The following POT1 variants were observed in gnomAD, a reference collection of about 807,000 sequenced individuals.
POT1 encodes the protein protection of telomeres 1, also known as protection of telomeres protein 1.
A neutral mutation model predicts 78.5 loss-of-function variants in POT1; 47 were observed. The observed-to-expected ratio is 0.60, with a 90% confidence interval of 0.47 to 0.76. POT1 has a LOEUF of 0.76. Among genes scored for constraint, POT1 ranks in the 30% least tolerant of loss-of-function variants. The probability of loss-of-function intolerance (pLI) is 0.00; values close to 1 mark genes in which losing one functional copy is unlikely to be tolerated. For missense variants in POT1, 646 were observed against 749.9 expected, an observed-to-expected ratio of 0.86 and a Z score of 1.62; for synonymous variants, 259 against 260.7, an observed-to-expected ratio of 0.99 and a Z score of 0.06.
chr7:124,897,448 T>C (rs1203749707), intron 4 of POT1, among the ~76,000 whole-genome samples: 2 of 151,906 alleles, frequency 1.3e-5, no homozygotes, highest in Non-Finnish European at 2.9e-5. Flanking sequence ...ATTAAAATAT[T>C]AGTGTTCTTA....
chr7:124,854,643 A>G (rs1795399100), intron 9 of POT1, among the ~76,000 whole-genome samples: 1 of 151,956 alleles, frequency 6.6e-6, no homozygotes, highest in Admixed American at 6.6e-5. Context: ...TAAGGAGCAG[A>G]CAAAATACAA....
At chr7:124,928,374 A>C (rs1222725919) in intron 2 of POT1, among the ~76,000 whole-genome samples, 1 of 152,226 alleles carries the variant, frequency 6.6e-6, no homozygotes, top group Non-Finnish European at 1.5e-5. Context: ...CTCAACATGC[A>C]CATAAGGACT....
At chr7:124,867,212 C>T (rs1795749805) in intron 7 of POT1, among the ~76,000 whole-genome samples, 1 of 152,192 alleles carries the variant, frequency 6.6e-6, no homozygotes, top group African/African-American at 2.4e-5. Flanking sequence ...AACGCATCCT[C>T]ATTTCATGTC....
At chr7:124,891,040 TAC>T (rs1796358302) in intron 6 of POT1, among the ~76,000 whole-genome samples, 1 of 151,802 alleles carries the variant, frequency 6.6e-6, no homozygotes, top group Admixed American at 6.6e-5. Flanking sequence ...CCATTTGGTC[TAC>T]AGTGTTGTTC....
intron 14 of POT1, among the ~76,000 whole-genome samples, chr7:124,838,596 T>A (rs974736679): frequency 6.6e-6 from 1 of 152,106 alleles, no homozygotes; most frequent in African/African-American, 2.4e-5. Flanking sequence ...CCGTGACTTA[T>A]AGATTATGGC....
chr7:124,922,104 T>C (rs1361579171), intron 2 of POT1, among the ~76,000 whole-genome samples: 1 of 151,826 alleles, frequency 6.6e-6, no homozygotes, highest in Non-Finnish European at 1.5e-5. Context: ...GGCATCTCTA[T>C]AGTCCTAAAA....
intron 3 of POT1, among the ~76,000 whole-genome samples, chr7:124,903,315 C>G (rs952665761): frequency 6.6e-6 from 1 of 152,140 alleles, no homozygotes; most frequent in Admixed American, 6.6e-5. Flanking sequence ...GAAATTATAA[C>G]AAACTGTCTT....
intron 2 of POT1, among the ~76,000 whole-genome samples, chr7:124,916,934 CT>C (rs1563022005): frequency 6.6e-6 from 1 of 152,070 alleles, no homozygotes. Context: ...CTCTATCTTT[CT>C]TTCAGAACAA....
intron 8 of POT1, 63 bp downstream of exon 8, chr7:124,863,285 CAT>C (rs1477828384): frequency 6.9e-7 from 1 of 1,456,604 alleles, no homozygotes; most frequent in Non-Finnish European, 9.3e-7. Flanking sequence ...AATGCTGAAA[CAT>C]AAGCTCTTTA....
At chr7:124,854,248 T>C (rs950246827) in intron 9 of POT1, among the ~76,000 whole-genome samples, 1 of 151,994 alleles carries the variant, frequency 6.6e-6, no homozygotes, top group Non-Finnish European at 1.5e-5. Context: ...GTTTCACATA[T>C]ATGTTATACA....
At position 124,854,416 on chromosome 7, in the gene POT1, G is replaced by C. The variant is rs539524440; in HGVS notation, c.703-1278C>G. Among the ~76,000 whole-genome samples, 7 of 151,784 alleles carry C rather than the reference G, an allele frequency of 4.6e-5. No individual in the cohort carries two copies. The East Asian group carries it at 9.7e-4, about 21-fold the overall frequency. On this transcript the variant is annotated intron_variant, in intron 9 of 18. Transcript: ENST00000357628. ...AATTCTGGACTTTTAGATTATGGAG[G>C]CTCAATCCTATAAAAGGAAACGTTT...
chr7:124,906,769 T>G (rs1796775822), intron 3 of POT1, among the ~76,000 whole-genome samples: 2 of 152,224 alleles, frequency 1.3e-5, no homozygotes, highest in Admixed American at 1.3e-4. Flanking sequence ...TGGCAAAAAC[T>G]GAAGTACAGA....
At chr7:124,920,818 G>A (rs1247721637) in intron 2 of POT1, among the ~76,000 whole-genome samples, 1 of 152,012 alleles carries the variant, frequency 6.6e-6, no homozygotes, top group Non-Finnish European at 1.5e-5. Context: ...ATTGGACAGG[G>A]GCAATGCTCA....
At chr7:124,879,965 A>G (rs949984867) in intron 6 of POT1, among the ~76,000 whole-genome samples, 33 of 152,124 alleles carry the variant, frequency 2.2e-4, no homozygotes, top group Admixed American at 2.6e-4. Context: ...AATAGCTTAT[A>G]GTGTTTCCCC....
chr7:124,871,731 ATTT>A (rs5887205), intron 6 of POT1, among the ~76,000 whole-genome samples: 196 of 144,996 alleles, frequency 1.4e-3, no homozygotes, highest in East Asian at 6.2e-3. Context: ...CTGCCTTAAA[ATTT>A]TTTTTTTTTT....
intron 2 of POT1, among the ~76,000 whole-genome samples, chr7:124,926,497 T>G (rs1376158582): frequency 6.6e-6 from 1 of 152,150 alleles, no homozygotes; most frequent in Admixed American, 6.5e-5. Flanking sequence ...TGTACATTAG[T>G]ACAACCTCTA....
At chr7:124,892,438 T>C in intron 5 of POT1, 58 bp from the exon 6 acceptor site, 1 of 851,406 alleles carries the variant, frequency 1.2e-6, no homozygotes, top group South Asian at 2.7e-5. Flanking sequence ...TGTAGAATCA[T>C]GTTATAATCA....
chr7:124,873,043 T>C (rs759170397), intron 6 of POT1, among the ~76,000 whole-genome samples: 11 of 152,244 alleles, frequency 7.2e-5, no homozygotes, highest in Non-Finnish European at 1.6e-4. Context: ...TCTAACCATC[T>C]AGTTGAGTTC....
At chr7:124,828,525 C>T (rs901588800) in intron 16 of POT1, among the ~76,000 whole-genome samples, 2 of 152,054 alleles carry the variant, frequency 1.3e-5, no homozygotes, top group Non-Finnish European at 2.9e-5. Flanking sequence ...CTAGGGCATA[C>T]AACAGACATT....
Sources: gnomAD v4.1 joint callset for allele counts (sites outside exome capture counted in the v4.1 genomes callset) on GRCh38, gnomAD v4.1.1 for gene constraint, MANE v1.5 for transcripts, NCBI Gene and HGNC (gene_info 2026-07-23, HGNC 2026-07-21) for gene names.